Variants in SPOCK3 observed in about 807,000 individuals in gnomAD.
The protein encoded by SPOCK3 is SPARC (osteonectin), cwcv and kazal like domains proteoglycan 3, also known as testican-3.
In SPOCK3, 30 loss-of-function variants were observed where a neutral mutation model predicts 56.6. That is an observed-to-expected ratio of 0.53 (90% CI 0.40 to 0.72). The LOEUF (loss-of-function observed/expected upper bound fraction) is 0.72. Among genes scored for constraint, SPOCK3 ranks in the 30% least tolerant of loss-of-function variants. The pLI is 0.00. For missense variants in SPOCK3, 527 were observed against 530.0 expected, an observed-to-expected ratio of 0.99 and a Z score of 0.06; for synonymous variants, 196 against 183.3, an observed-to-expected ratio of 1.07 and a Z score of -0.56.
intron 4 of SPOCK3, among the ~76,000 whole-genome samples, chr4:166,914,030 GAT>G (rs1413427896): frequency 1.3e-5 from 2 of 150,878 alleles, no homozygotes; most frequent in East Asian, 3.9e-4. Context: ...AACACTTCAA[GAT>G]TTATAAATTA....
At chr4:167,085,575 G>A (rs949556276) in intron 2 of SPOCK3, among the ~76,000 whole-genome samples, 5 of 152,052 alleles carry the variant, frequency 3.3e-5, no homozygotes, top group East Asian at 3.9e-4. Context: ...GAAATTCATC[G>A]TTTGAAAAGA....
chr4:166,865,426 G>T (rs1731719864), intron 6 of SPOCK3, among the ~76,000 whole-genome samples: 1 of 152,086 alleles, frequency 6.6e-6, no homozygotes, highest in African/African-American at 2.4e-5. Context: ...GGAAACTCTG[G>T]CCAGGGCAAT....
At chr4:166,914,424 T>G (rs954512706) in intron 4 of SPOCK3, among the ~76,000 whole-genome samples, 2 of 152,148 alleles carry the variant, frequency 1.3e-5, no homozygotes, top group African/African-American at 4.8e-5. Context: ...ACTTAGAAAA[T>G]CTTTCAATTT....
chr4:166,879,172 A>C (rs886152999), intron 6 of SPOCK3, among the ~76,000 whole-genome samples: 3 of 152,132 alleles, frequency 2.0e-5, no homozygotes, highest in South Asian at 2.1e-4. Context: ...TTTTAAATTA[A>C]GGAAATGTCT....
At chr4:167,218,042 G>A (rs551948335) in intron 2 of SPOCK3, among the ~76,000 whole-genome samples, 3 of 152,136 alleles carry the variant, frequency 2.0e-5, no homozygotes, top group Non-Finnish European at 2.9e-5. Context: ...CAATAACTAA[G>A]AACAAACTTT....
intron 2 of SPOCK3, among the ~76,000 whole-genome samples, chr4:167,196,554 T>C (rs923740513): frequency 2.6e-5 from 4 of 152,128 alleles, no homozygotes; most frequent in African/African-American, 7.2e-5. Flanking sequence ...ACTGAATTTA[T>C]TGATTCCGTA....
Position 166,754,654 on chromosome 4 carries a change from T to TC in SPOCK3, c.784dup (p.Asp262GlyfsTer15). ...GAGCTCTGACTGGTCCAATAGCAGG[T>TC]CATAGTTTGTATCAAGTCTGTTAAA... On this transcript the variant is annotated frameshift_variant, in exon 8 of 11. Transcript: ENST00000357545. LOFTEE classifies it high-confidence loss of function. The TC allele has an allele frequency of 6.2e-7, 1 of 1,613,726 alleles. No homozygotes were observed. The highest frequency in any genetic ancestry group is 2.2e-5 in the East Asian group (1 of 44,854).
At chr4:167,013,505 A>G (rs1157020268) in intron 3 of SPOCK3, among the ~76,000 whole-genome samples, 2 of 151,154 alleles carry the variant, frequency 1.3e-5, no homozygotes, top group Non-Finnish European at 3.0e-5. Context: ...AGTGAATATT[A>G]GTATAAATAA....
In SPOCK3 at chr4:166,914,936, A is replaced by T. The variant is rs112507246; in HGVS notation, c.351-2193T>A. ...CGGAACACTAAATAAACATGTTCAT[A>T]TTCTTTTTTTTATTATTATTATACT... On this transcript the variant is annotated intron_variant, in intron 4 of 10. Transcript: ENST00000357545. Among the ~76,000 whole-genome samples the T allele has an allele frequency of 2.5e-3, 381 of 152,216 alleles. 1 individual carries two copies. Among genetic ancestry groups the T allele is most frequent in the African/African-American group, 8.5e-3 (355 of 41,550 alleles).
At chr4:167,087,849 T>G (rs34091850) in intron 2 of SPOCK3, among the ~76,000 whole-genome samples, 3,916 of 152,226 alleles carry the variant, frequency 0.026, 82 homozygotes, top group Middle Eastern at 0.061. Flanking sequence ...ATAATCTAAA[T>G]AAAAGCCTTC....
chr4:166,999,735 C>T (rs1414535200), intron 4 of SPOCK3, among the ~76,000 whole-genome samples: 1 of 152,164 alleles, frequency 6.6e-6, no homozygotes, highest in Non-Finnish European at 1.5e-5. Context: ...CAGGCTATTT[C>T]TAAATTACTG....
At position 166,760,927 on chromosome 4, in the gene SPOCK3, C is replaced by A. The variant is rs1467762872; in HGVS notation, c.710-6198G>T. Among the ~76,000 whole-genome samples, 2 of 36,468 alleles carry A rather than the reference C, an allele frequency of 5.5e-5. 1 individual carries two copies. Among genetic ancestry groups the A allele is most frequent in the Non-Finnish European group, 1.1e-4 (2 of 17,620 alleles). 23.9% of individuals were successfully genotyped at this position (36,468 alleles called of 152,430 possible). On this transcript the variant is annotated intron_variant, in intron 7 of 10. Coordinates refer to ENST00000357545, the MANE Select transcript of SPOCK3 (RefSeq NM_001040159.2). Reference sequence around the variant, plus strand: ...ATTAAACTAAAGAGCTTCTGCACAGCAAAAGAAACTACCATCAGAGTGAAC... The same window carrying A: ...ATTAAACTAAAGAGCTTCTGCACAGAAAAAGAAACTACCATCAGAGTGAAC...
chr4:166,832,376 T>A (rs1256797833), intron 6 of SPOCK3, among the ~76,000 whole-genome samples: 1 of 139,066 alleles, frequency 7.2e-6, no homozygotes, highest in Non-Finnish European at 1.6e-5. Flanking sequence ...CCCACACCAA[T>A]CAGAATGGCT....
chr4:166,962,951 G>C (rs1159546396), intron 4 of SPOCK3, among the ~76,000 whole-genome samples: 1 of 151,986 alleles, frequency 6.6e-6, no homozygotes, highest in Non-Finnish European at 1.5e-5. Flanking sequence ...AAAATTTGTT[G>C]TATGTTATTT....
At chr4:166,963,763 A>C (rs72697576) in intron 4 of SPOCK3, among the ~76,000 whole-genome samples, 11,786 of 151,994 alleles carry the variant, frequency 0.078, 742 homozygotes, top group Admixed American at 0.22. Flanking sequence ...CATGAATATG[A>C]ATACAGTGTT....
intron 2 of SPOCK3, among the ~76,000 whole-genome samples, chr4:167,163,257 T>C (rs890925235): frequency 1.3e-5 from 2 of 151,318 alleles, no homozygotes; most frequent in Non-Finnish European, 2.9e-5. Flanking sequence ...CGTGTGTTCC[T>C]TTTTTAAAAC....
intron 2 of SPOCK3, among the ~76,000 whole-genome samples, chr4:167,183,762 T>A (rs892313166): frequency 1.3e-5 from 2 of 152,130 alleles, no homozygotes; most frequent in Admixed American, 6.6e-5. Context: ...TTTATCAGAC[T>A]GTAAATAAGA....
At chr4:167,036,284 G>A (rs1345841050) in intron 3 of SPOCK3, among the ~76,000 whole-genome samples, 1 of 152,072 alleles carries the variant, frequency 6.6e-6, no homozygotes, top group Non-Finnish European at 1.5e-5. Flanking sequence ...GCCCTTATCT[G>A]CGTTTTTTCT....
chr4:166,880,743 C>T (rs1415218190), intron 6 of SPOCK3, among the ~76,000 whole-genome samples: 2 of 152,166 alleles, frequency 1.3e-5, no homozygotes, highest in Non-Finnish European at 2.9e-5. Flanking sequence ...GCTTCCTAAA[C>T]ATTTCTTGAA....
Sources: gnomAD v4.1 joint callset for allele counts (sites outside exome capture counted in the v4.1 genomes callset) on GRCh38, gnomAD v4.1.1 for gene constraint, MANE v1.5 for transcripts, NCBI Gene and HGNC (gene_info 2026-07-23, HGNC 2026-07-21) for gene names.